The following PRKCE variants were observed in gnomAD, a reference collection of about 807,000 sequenced individuals.
PRKCE encodes the protein protein kinase C epsilon, also known as protein kinase C epsilon type.
Under a neutral mutation model 85.4 loss-of-function variants are expected in PRKCE, and 16 were observed. The observed-to-expected ratio is 0.19, with a 90% CI of 0.13 to 0.28. The LOEUF is 0.28. PRKCE is among the 10% of genes least tolerant of loss of function. The probability of loss-of-function intolerance (pLI) is 1.00; values close to 1 mark genes in which losing one functional copy is unlikely to be tolerated. For missense variants in PRKCE, 573 were observed against 975.2 expected (o/e 0.59, Z 5.49); for synonymous variants, 388 against 371.5 (o/e 1.04, Z -0.51).
chr2:46,027,095 G>T (rs1223010892), intron 10 of PRKCE, among the ~76,000 whole-genome samples: 1 of 152,144 alleles, frequency 6.6e-6, no homozygotes, highest in African/African-American at 2.4e-5. Flanking sequence ...CTTGAGCCTA[G>T]GAAGTCAAGG....
chr2:45,729,473 T>C (rs1217602501), intron 1 of PRKCE, among the ~76,000 whole-genome samples: 1 of 152,186 alleles, frequency 6.6e-6, no homozygotes, highest in African/African-American at 2.4e-5. Flanking sequence ...CTCCATCATA[T>C]GCATCTATGT....
intron 1 of PRKCE, among the ~76,000 whole-genome samples, chr2:45,722,252 C>A (rs1465903593): frequency 1.3e-5 from 2 of 151,922 alleles, no homozygotes; most frequent in Non-Finnish European, 2.9e-5. Flanking sequence ...TTTTATTATT[C>A]TTTAAGTTCT....
chr2:45,817,995 G>A (rs546211247), intron 1 of PRKCE, among the ~76,000 whole-genome samples: 20 of 152,304 alleles, frequency 1.3e-4, no homozygotes, highest in Admixed American at 3.9e-4. Context: ...TCTCAGCCCC[G>A]GAGCTGAGCA....
In PRKCE at chr2:45,933,328, A is replaced by G. The variant is rs138942173; in HGVS notation, c.413-43101A>G. 1.1e-3 allele frequency among the ~76,000 whole-genome samples: 160 copies of G among 152,268 alleles called. No homozygotes were observed. The East Asian group carries it at 0.016, about 15-fold the overall frequency. On this transcript the variant is annotated intron_variant, in intron 2 of 14. Coordinates refer to ENST00000306156, the MANE Select transcript of PRKCE (RefSeq NM_005400.3). ...ACAGAAGTCCCTGAGGAATGTATCA[A>G]TTTATCAGTTATTTTCTTTATGGTT... is the stretch of plus-strand genomic sequence containing the variant.
At position 45,869,709 on chromosome 2, in the gene PRKCE, T is replaced by C. The variant is rs1267800122; in HGVS notation, c.412+26646T>C. On this transcript the variant is annotated intron_variant, in intron 2 of 14. Transcript: ENST00000306156. ...TTTTGTTTTTGTTTCTCTCTCTCTT[T>C]TTTTTTTTTTTTTTTTGAGTTGGTG... 1.4e-3 allele frequency among the ~76,000 whole-genome samples: 177 copies of C among 127,184 alleles called. 1 individual carries two copies. Among genetic ancestry groups the C allele is most frequent in the African/African-American group, 4.2e-3 (159 of 37,444 alleles). The allele number at this position is 127,184 out of a possible 152,430, so 83.4% of individuals were successfully genotyped here.
intron 4 of PRKCE, among the ~76,000 whole-genome samples, chr2:45,979,767 A>C (rs765949454): frequency 9.2e-5 from 14 of 152,160 alleles, no homozygotes; most frequent in Non-Finnish European, 1.6e-4. Context: ...GCTCCATGAC[A>C]CTAACAACAC....
chr2:45,745,592 A>G (rs1223564134), intron 1 of PRKCE, among the ~76,000 whole-genome samples: 1 of 152,148 alleles, frequency 6.6e-6, no homozygotes, highest in Non-Finnish European at 1.5e-5. Context: ...CCACTCCCAA[A>G]TGGAGCTGGG....
At chr2:45,755,762 G>A in intron 1 of PRKCE, among the ~76,000 whole-genome samples, 1 of 152,142 alleles carries the variant, frequency 6.6e-6, no homozygotes, top group Non-Finnish European at 1.5e-5. Flanking sequence ...AAAACTAGTT[G>A]CCCAACGAAA....
Position 46,185,177 on chromosome 2 carries a change from G to T in PRKCE, c.*296G>T. The T allele has an allele frequency of 3.2e-6, 1 of 314,960 alleles. No individual in the cohort carries two copies. The highest frequency in any genetic ancestry group is 8.2e-5 in the South Asian group (1 of 12,184). 19.5% of individuals were successfully genotyped at this position (314,960 alleles called of 1,614,324 possible). On this transcript the variant is annotated 3_prime_UTR_variant, in exon 15 of 15. Coordinates refer to ENST00000306156, the MANE Select transcript of PRKCE (RefSeq NM_005400.3). The surrounding 1 kb of genome is among the most constrained non-coding windows in gnomAD (Gnocchi z 4.7). ...GCAAGCCTGGTTCCACTCCTCAGGG[G>T]CTCCTGGCAGTGAAGCAACTTCAGT... is the stretch of plus-strand genomic sequence containing the variant.
At chr2:45,975,632 T>G (rs1416804505) in intron 2 of PRKCE, among the ~76,000 whole-genome samples, 1 of 152,188 alleles carries the variant, frequency 6.6e-6, no homozygotes, top group Non-Finnish European at 1.5e-5. Flanking sequence ...GGCAAAAATA[T>G]GTAGCCCATA....
At chr2:45,943,372 CAG>C (rs1700020611) in intron 2 of PRKCE, among the ~76,000 whole-genome samples, 1 of 152,234 alleles carries the variant, frequency 6.6e-6, no homozygotes, top group South Asian at 2.1e-4. Context: ...TCCTATAGCT[CAG>C]AGTACATCTG....
At chr2:45,946,758 G>T (rs1306198527) in intron 2 of PRKCE, among the ~76,000 whole-genome samples, 1 of 152,168 alleles carries the variant, frequency 6.6e-6, no homozygotes, top group African/African-American at 2.4e-5. Flanking sequence ...GGATTTTGGT[G>T]GAAAGAAAGT....
In PRKCE at chr2:46,184,923, G is replaced by A. The variant is rs940477851; in HGVS notation, c.*42G>A. 2.5e-6 allele frequency: 4 copies of A among 1,597,238 alleles called. No homozygotes were observed. The African/African-American group carries it at 5.3e-5, about 21-fold the overall frequency. On this transcript the variant is annotated 3_prime_UTR_variant, in exon 15 of 15. Transcript: ENST00000306156. The surrounding 1 kb of genome is among the most constrained non-coding windows in gnomAD (Gnocchi z 5.0). ...GACTTTGCCGATGCTGCAAGAAGGGGTGCAGAGAAGACTCCTGTGTTGGAG... is the reference window on the plus strand; with the variant it reads ...GACTTTGCCGATGCTGCAAGAAGGGATGCAGAGAAGACTCCTGTGTTGGAG...
At chr2:45,814,044 C>T (rs1688843090) in intron 1 of PRKCE, among the ~76,000 whole-genome samples, 2 of 152,042 alleles carry the variant, frequency 1.3e-5, no homozygotes, top group South Asian at 4.2e-4. Context: ...ACCTCCGGTC[C>T]CCCCTCCCCC....
At chr2:45,812,751 G>A (rs1261052765) in intron 1 of PRKCE, among the ~76,000 whole-genome samples, 1 of 152,212 alleles carries the variant, frequency 6.6e-6, no homozygotes, top group Non-Finnish European at 1.5e-5. Context: ...ACCCGGCAGG[G>A]ACTGGATCCC....
At chr2:45,858,599 T>C (rs1158704385) in intron 2 of PRKCE, among the ~76,000 whole-genome samples, 1 of 152,224 alleles carries the variant, frequency 6.6e-6, no homozygotes, top group Non-Finnish European at 1.5e-5. Flanking sequence ...GACTTTGTCT[T>C]TGCCATTTTT....
chr2:45,899,204 C>G (rs919440583), intron 2 of PRKCE, among the ~76,000 whole-genome samples: 1 of 152,082 alleles, frequency 6.6e-6, no homozygotes, highest in Non-Finnish European at 1.5e-5. Flanking sequence ...CTCAGATGGC[C>G]TTATTCTCTC....
At position 45,913,342 on chromosome 2, in the gene PRKCE, GT is replaced by G. The variant is rs1305124962; in HGVS notation, c.413-63083del. 2.0e-5 allele frequency among the ~76,000 whole-genome samples: 3 copies of G among 152,304 alleles called. No individual in the cohort carries two copies. In the South Asian group the frequency reaches 6.2e-4, roughly 32 times the overall value. ...TTTGTATCTTTTTTGTAGAGACAAG[GT>G]TTTGCCATGTTGTCCAGGCTGGTCT... is the stretch of plus-strand genomic sequence containing the variant. On this transcript the variant is annotated intron_variant, in intron 2 of 14. Transcript: ENST00000306156.
At chr2:45,951,495 C>G (rs1211564379) in intron 2 of PRKCE, among the ~76,000 whole-genome samples, 2 of 152,224 alleles carry the variant, frequency 1.3e-5, no homozygotes, top group East Asian at 1.9e-4. Flanking sequence ...CAAGGCTTCT[C>G]TGGGCCCAGA....
Sources: gnomAD v4.1 joint callset for allele counts (sites outside exome capture counted in the v4.1 genomes callset) on GRCh38, gnomAD v4.1.1 for gene constraint, Gnocchi (gnomAD v3.1) non-coding constraint, MANE v1.5 for transcripts, NCBI Gene and HGNC (gene_info 2026-07-23, HGNC 2026-07-21) for gene names.